Variants in PARK7 observed in about 807,000 individuals in gnomAD.
PARK7 encodes the protein Parkinsonism associated deglycase.
Under a neutral mutation model 20.5 loss-of-function variants are expected in PARK7, and 14 were observed. The ratio of observed to expected loss-of-function variants is 0.68; its 90% confidence interval spans 0.45 to 1.07. PARK7 has a LOEUF of 1.07. Among genes scored for constraint, PARK7 ranks in the 50% least tolerant of loss-of-function variants. The pLI is 0.00. For synonymous variants in PARK7, 98 were observed against 84.3 expected, an observed-to-expected ratio of 1.16 and a Z score of -0.89; for missense variants, 234 against 238.1, an observed-to-expected ratio of 0.98 and a Z score of 0.11.
chr1:7,976,088 T>A (rs1557448339), intron 5 of PARK7, among the ~76,000 whole-genome samples: 1 of 152,190 alleles, frequency 6.6e-6, no homozygotes, highest in Non-Finnish European at 1.5e-5. Context: ...AGCTACGGTC[T>A]GAGTAGCTTG....
rs368061114 is a variant in PARK7, at chr1:7,975,373, AG to A, written c.323-2277del. ...GCTGAGATGCCCAGGTCTAGGAATG[AG>A]GCCTCTGGAAGCAAGGTCTTGGCCA... On this transcript the variant is annotated intron_variant, in intron 5 of 6. Transcript: ENST00000338639. Among the ~76,000 whole-genome samples, 442 of 152,294 alleles carry A rather than the reference AG, an allele frequency of 2.9e-3. 1 individual carries two copies. Among genetic ancestry groups the A allele is most frequent in the African/African-American group, 0.01 (429 of 41,566 alleles).
At chr1:7,968,590 A>G (rs1640382001) in intron 3 of PARK7, among the ~76,000 whole-genome samples, 1 of 152,042 alleles carries the variant, frequency 6.6e-6, no homozygotes, top group Non-Finnish European at 1.5e-5. Context: ...GCCTCAGCTC[A>G]CTGCAGCCTC....
At chr1:7,971,939 A>AAAAAT (rs1047769904) in intron 5 of PARK7, 3 of 152,220 alleles carry the variant, frequency 2.0e-5, no homozygotes, top group East Asian at 3.8e-4. Context: ...GTCTCAAAAA[A>AAAAAT]AAAATAAAAT....
At chr1:7,966,164 C>G (rs1640324523) in intron 3 of PARK7, among the ~76,000 whole-genome samples, 1 of 152,014 alleles carries the variant, frequency 6.6e-6, no homozygotes, top group South Asian at 2.1e-4. Context: ...GGAGTGTGGA[C>G]TGTACCCTCT....
intron 3 of PARK7, chr1:7,969,061 T>C (rs1457864661): frequency 2.8e-6 from 1 of 351,280 alleles, no homozygotes; most frequent in Non-Finnish European, 5.3e-6. Context: ...TACACACAAA[T>C]ACATATATCC....
rs565963137 is a variant in PARK7 at position 7,969,661 on chromosome 1, A to G, written c.252+257A>G. Among the ~76,000 whole-genome samples the G allele has an allele frequency of 5.9e-5, 9 of 152,144 alleles. No homozygotes were observed. In the South Asian group the frequency reaches 1.2e-3, roughly 21 times the overall value. ...AGTGGCACAATCTCGGCTCACTGCA[A>G]TCTCCGCCTCCTGGGTTCAAGCAGT... On this transcript the variant is annotated intron_variant, in intron 4 of 6. Transcript: ENST00000338639.
At chr1:7,977,367 A>G (rs575884648) in intron 5 of PARK7, among the ~76,000 whole-genome samples, 1 of 152,356 alleles carries the variant, frequency 6.6e-6, no homozygotes, top group South Asian at 2.1e-4. Context: ...AACATACTTT[A>G]TCTCTCATAC....
At chr1:7,981,682 A>C (rs1206453486) in intron 6 of PARK7, among the ~76,000 whole-genome samples, 8 of 140,860 alleles carry the variant, frequency 5.7e-5, no homozygotes, top group Non-Finnish European at 1.2e-4. Flanking sequence ...TTTTTGAGAC[A>C]GAGTCTCTCT....
chr1:7,985,261 A>T lies in PARK7; in HGVS notation c.*207A>T, dbSNP rs1019271444. On this transcript the variant is annotated 3_prime_UTR_variant, in exon 7 of 7. Coordinates refer to ENST00000338639, the MANE Select transcript of PARK7 (RefSeq NM_007262.5). ...CATTTCTAAGCCTTGTTTGCAGAAT[A>T]AACAGGGCATTTAGCAAACTACTGA... is the stretch of plus-strand genomic sequence containing the variant. 6 of 643,638 alleles carry T rather than the reference A, an allele frequency of 9.3e-6. No individual in the cohort carries two copies. Among genetic ancestry groups the T allele is most frequent in the African/African-American group, 9.1e-5 (5 of 54,750 alleles). 39.9% of individuals were successfully genotyped at this position (643,638 alleles called of 1,614,324 possible).
chr1:7,969,829 C>T (rs978079670), intron 4 of PARK7, among the ~76,000 whole-genome samples: 15 of 152,142 alleles, frequency 9.9e-5, no homozygotes, highest in South Asian at 8.3e-4. Context: ...CCGCCCACCT[C>T]GGCCTCCCAA....
intron 5 of PARK7, among the ~76,000 whole-genome samples, chr1:7,973,379 C>A (rs1395907846): frequency 6.6e-6 from 1 of 152,208 alleles, no homozygotes; most frequent in African/African-American, 2.4e-5. Flanking sequence ...AAGCCTCAGT[C>A]CTAGATTCTT....
intron 6 of PARK7, among the ~76,000 whole-genome samples, chr1:7,979,892 C>A (rs1055371800): frequency 3.3e-5 from 5 of 152,174 alleles, no homozygotes; most frequent in African/African-American, 1.2e-4. Context: ...TGCAGTGACT[C>A]ACGCCTGTAA....
chr1:7,977,800 C>T, intron 6 of PARK7, 62 bp downstream of exon 6: 2 of 1,457,478 alleles, frequency 1.4e-6, no homozygotes, highest in South Asian at 1.1e-5. Flanking sequence ...CGCTCCATCG[C>T]CCAGGCTGGA....
chr1:7,965,426 G>T lies in PARK7; in HGVS notation c.192+1G>T. 1 of 1,613,522 alleles carries T rather than the reference G, an allele frequency of 6.2e-7. No individual in the cohort carries two copies. Among genetic ancestry groups the T allele is most frequent in the South Asian group, 1.1e-5 (1 of 91,064 alleles). ...CAGCCTTGAAGATGCAAAAAAAGAGGTTTGTAATCCATACATGGAGTTATT... is the reference window on the plus strand; with the variant it reads ...CAGCCTTGAAGATGCAAAAAAAGAGTTTTGTAATCCATACATGGAGTTATT... On this transcript the variant is annotated splice_donor_variant, in intron 3 of 6. Coordinates refer to ENST00000338639, the MANE Select transcript of PARK7 (RefSeq NM_007262.5). LOFTEE classifies it high-confidence loss of function.
intron 5 of PARK7, among the ~76,000 whole-genome samples, chr1:7,976,322 A>C (rs1640583089): frequency 6.6e-6 from 1 of 152,230 alleles, no homozygotes; most frequent in Non-Finnish European, 1.5e-5. Context: ...TGTGTGGCTT[A>C]GAGGAAAAAG....
intron 4 of PARK7, among the ~76,000 whole-genome samples, chr1:7,969,724 C>T (rs1022798745): frequency 1.3e-5 from 2 of 151,992 alleles, no homozygotes; most frequent in Non-Finnish European, 2.9e-5. Context: ...GGATTGCAGG[C>T]ATGCACCCCC....
At chr1:7,965,463 C>G (rs1640305545) in intron 3 of PARK7, 38 bp downstream of exon 3, 1 of 1,549,374 alleles carries the variant, frequency 6.5e-7, no homozygotes, top group Non-Finnish European at 8.9e-7. Flanking sequence ...CTTCATATGG[C>G]TTCTTTGTTT....
At chr1:7,966,055 T>G (rs915766087) in intron 3 of PARK7, among the ~76,000 whole-genome samples, 1 of 152,142 alleles carries the variant, frequency 6.6e-6, no homozygotes, top group Non-Finnish European at 1.5e-5. Context: ...CTCTTACCTT[T>G]AAGGACGATG....
intron 6 of PARK7, among the ~76,000 whole-genome samples, chr1:7,982,204 C>G (rs1035007974): frequency 6.9e-6 from 1 of 145,066 alleles, no homozygotes; most frequent in African/African-American, 2.6e-5. Context: ...TCAGGCTGGT[C>G]TTGAAATCCT....
Sources: allele counts gnomAD v4.1 joint callset (sites outside exome capture counted in the v4.1 genomes callset), GRCh38; gene constraint gnomAD v4.1.1; transcripts MANE v1.5; gene names NCBI Gene and HGNC (gene_info 2026-07-23, HGNC 2026-07-21).